Variants in SHISA9 observed in about 807,000 individuals in gnomAD.
The protein encoded by SHISA9 is protein shisa-9.
A neutral mutation model predicts 38.0 loss-of-function variants in SHISA9; 13 were observed. That is an observed-to-expected ratio of 0.34 (90% CI 0.22 to 0.54). The LOEUF is 0.54. Among genes scored for constraint, SHISA9 ranks in the 20% least tolerant of loss-of-function variants. SHISA9 has a pLI of 0.91. For missense variants in SHISA9, 538 were observed against 575.8 expected (o/e 0.93, Z 0.67); for synonymous variants, 275 against 242.0 (o/e 1.14, Z -1.27).
chr16:12,906,089 C>G (rs2071089468), intron 1 of SHISA9, among the ~76,000 whole-genome samples: 1 of 152,116 alleles, frequency 6.6e-6, no homozygotes, highest in Non-Finnish European at 1.5e-5. Flanking sequence ...TGTCAACTTG[C>G]CAAGCTTGGC....
At chr16:13,304,155 AT>A in the SHISA9 span, among the ~76,000 whole-genome samples, 1 of 152,242 alleles carries the variant, frequency 6.6e-6, no homozygotes, top group East Asian at 1.9e-4. Context: ...TGTGCTTCCC[AT>A]TTGTGCAACA....
intron 2 of SHISA9, among the ~76,000 whole-genome samples, chr16:12,963,034 G>C (rs1011370990): frequency 6.6e-6 from 1 of 152,154 alleles, no homozygotes; most frequent in Non-Finnish European, 1.5e-5. Flanking sequence ...CCAGCCTTCA[G>C]GTCCACTCTG....
chr16:13,187,336 T>TCTTTTC (rs1194713899), intron 2 of SHISA9, among the ~76,000 whole-genome samples: 24 of 116,252 alleles, frequency 2.1e-4, no homozygotes, highest in African/African-American at 6.9e-4. Flanking sequence ...TTCTTTTTTT[T>TCTTTTC]TTTTTTTTTT....
chr16:13,164,351 G>A (rs2050618834), intron 2 of SHISA9, among the ~76,000 whole-genome samples: 2 of 151,996 alleles, frequency 1.3e-5, no homozygotes, highest in Admixed American at 6.6e-5. Flanking sequence ...TAGTCATGGT[G>A]TGTTATTTTT....
chr16:13,427,586 A>G, the SHISA9 span, among the ~76,000 whole-genome samples: 12 of 152,222 alleles, frequency 7.9e-5, no homozygotes, highest in Admixed American at 7.9e-4. Context: ...CAGGAAGGAC[A>G]TTCCAGGAAA....
chr16:13,036,748 G>GAAA (rs34283726), intron 2 of SHISA9, among the ~76,000 whole-genome samples: 17 of 145,290 alleles, frequency 1.2e-4, no homozygotes, highest in Non-Finnish European at 2.1e-4. Context: ...TTCAGAGGAG[G>GAAA]AAAAAAAAAA....
intron 2 of SHISA9, among the ~76,000 whole-genome samples, chr16:12,949,640 C>G (rs1490707173): frequency 6.6e-6 from 1 of 152,170 alleles, no homozygotes; most frequent in East Asian, 1.9e-4. Flanking sequence ...AAATTGCTTA[C>G]ATGTCTAATG....
the SHISA9 span, among the ~76,000 whole-genome samples, chr16:13,471,949 C>G: frequency 6.6e-6 from 1 of 152,220 alleles, no homozygotes; most frequent in African/African-American, 2.4e-5. Flanking sequence ...ATCACAAAGA[C>G]AAGGGAGGAA....
chr16:13,262,658 A>AAGGGAGGGAGGGAGGGAGGGAGGG, the SHISA9 span, among the ~76,000 whole-genome samples: 2 of 51,840 alleles, frequency 3.9e-5, no homozygotes, highest in African/African-American at 1.9e-4. Flanking sequence ...GGAAGGAAGG[A>AAGGGAGGGAGGGAGGGAGGGAGGG]AGGAAGGAAG....
intron 2 of SHISA9, among the ~76,000 whole-genome samples, chr16:13,136,357 T>TTTCTCTTC (rs2050347981): frequency 6.6e-6 from 1 of 151,840 alleles, no homozygotes; most frequent in South Asian, 2.1e-4. Flanking sequence ...CTTTCTCTGC[T>TTTCTCTTC]TTCTCTTCTT....
chr16:13,487,134 A>G, the SHISA9 span, among the ~76,000 whole-genome samples: 1 of 152,134 alleles, frequency 6.6e-6, no homozygotes, highest in Non-Finnish European at 1.5e-5. Flanking sequence ...TTGTACAGTC[A>G]TCCCTTGCTA....
chr16:13,469,638 A>G, the SHISA9 span, among the ~76,000 whole-genome samples: 1 of 152,164 alleles, frequency 6.6e-6, no homozygotes, highest in Non-Finnish European at 1.5e-5. Context: ...TGCCCCTTGG[A>G]GACAGAGGCA....
chr16:13,218,146 G>A (rs1171814376), intron 4 of SHISA9, among the ~76,000 whole-genome samples: 5 of 152,120 alleles, frequency 3.3e-5, no homozygotes, highest in Admixed American at 6.6e-5. Context: ...TCCTAAAACC[G>A]CAAAAGAAAA....
the SHISA9 span, among the ~76,000 whole-genome samples, chr16:13,362,472 C>T: frequency 1.1e-4 from 16 of 151,988 alleles, no homozygotes; most frequent in African/African-American, 2.2e-4. Flanking sequence ...AAAACAAAAA[C>T]GTGGTGATGG....
At chr16:13,027,095 G>A (rs1023114152) in intron 2 of SHISA9, among the ~76,000 whole-genome samples, 20 of 152,100 alleles carry the variant, frequency 1.3e-4, no homozygotes, top group Admixed American at 2.6e-4. Flanking sequence ...ACTGAACAAC[G>A]AAAACTTTGG....
intron 2 of SHISA9, among the ~76,000 whole-genome samples, chr16:13,026,657 C>T (rs573063923): frequency 6.6e-6 from 1 of 152,308 alleles, no homozygotes; most frequent in East Asian, 1.9e-4. Context: ...TATTGTGTTT[C>T]ACAGCAGCTG....
chr16:12,903,176 G>C (rs1411303028), intron 1 of SHISA9, among the ~76,000 whole-genome samples: 2 of 152,168 alleles, frequency 1.3e-5, no homozygotes, highest in African/African-American at 4.8e-5. Flanking sequence ...GAGAACAAAA[G>C]CCTTGCTTGG....
At chr16:13,535,362 T>G in the SHISA9 span, among the ~76,000 whole-genome samples, 4 of 152,204 alleles carry the variant, frequency 2.6e-5, no homozygotes. Flanking sequence ...ATAGAAATCT[T>G]GATGTCTCTG....
the SHISA9 span, among the ~76,000 whole-genome samples, chr16:13,532,203 C>T: frequency 6.6e-6 from 1 of 152,172 alleles, no homozygotes; most frequent in Admixed American, 6.5e-5. Flanking sequence ...AGTGAATGCC[C>T]TGTATAGGTT....
Sources: allele counts gnomAD v4.1 joint callset (sites outside exome capture counted in the v4.1 genomes callset), GRCh38; gene constraint gnomAD v4.1.1; transcripts MANE v1.5; gene names NCBI Gene and HGNC (gene_info 2026-07-23, HGNC 2026-07-21).